Variants in KCNK2 observed in about 807,000 individuals in gnomAD.
The protein encoded by KCNK2 is potassium channel subfamily K member 2.
In KCNK2, 21 loss-of-function variants were observed where a neutral mutation model predicts 40.5. The ratio of observed to expected loss-of-function variants is 0.52; its 90% CI spans 0.37 to 0.75. KCNK2 has a LOEUF of 0.75. Ranked by LOEUF, KCNK2 falls within the 30% of genes least tolerant of loss-of-function variation. The pLI is 0.00. For synonymous variants in KCNK2, 191 were observed against 202.2 expected, an observed-to-expected ratio of 0.94 and a Z score of 0.47; for missense variants, 399 against 531.6, an observed-to-expected ratio of 0.75 and a Z score of 2.45.
Position 215,194,972 on chromosome 1 carries a change from T to G in KCNK2, c.843T>G (p.Tyr281Ter). ...DYVAGGSDIE[Y>*]LDFYKPVVWF... is the part of the protein sequence containing the mutation. ...CTCCAGGTGGATCCGATATTGAATA[T>G]CTGGACTTCTATAAGCCTGTCGTGT... The change falls in exon 6 of 7, where the codon TAT becomes TAG. Residue 281 changes from tyrosine to a stop codon, truncating the protein, a stop_gained. Transcript: ENST00000444842. LOFTEE classifies it high-confidence loss of function. The G allele has an allele frequency of 6.2e-7, 1 of 1,613,502 alleles. No individual in the cohort carries two copies. Among genetic ancestry groups the G allele is most frequent in the Non-Finnish European group, 8.5e-7 (1 of 1,179,618 alleles).
chr1:215,086,716 A>G, intron 2 of KCNK2, 38 bp downstream of exon 2: 3 of 1,566,378 alleles, frequency 1.9e-6, no homozygotes, highest in Non-Finnish European at 2.6e-6. Flanking sequence ...TGTTCCCCCA[A>G]ATGGGAAATA....
chr1:215,201,213 G>A (rs1211221804), intron 6 of KCNK2, among the ~76,000 whole-genome samples: 1 of 152,042 alleles, frequency 6.6e-6, no homozygotes, highest in Non-Finnish European at 1.5e-5. Flanking sequence ...GTTTTGAAGA[G>A]AGGAAGATGG....
At chr1:215,120,687 A>G (rs940783298) in intron 2 of KCNK2, among the ~76,000 whole-genome samples, 1 of 152,210 alleles carries the variant, frequency 6.6e-6, no homozygotes, top group East Asian at 1.9e-4. Flanking sequence ...GATGATCACA[A>G]GCAACTCTTT....
chr1:215,080,361 A>C (rs1303457214), upstream of KCNK2, among the ~76,000 whole-genome samples: 2 of 152,318 alleles, frequency 1.3e-5, no homozygotes, highest in South Asian at 4.1e-4. Flanking sequence ...AAAAATGAAA[A>C]TAATATTCAA....
chr1:215,227,471 C>T (rs1032093358), intron 6 of KCNK2, among the ~76,000 whole-genome samples: 10 of 152,148 alleles, frequency 6.6e-5, no homozygotes, highest in African/African-American at 1.4e-4. Context: ...GGATGGCCCC[C>T]GACATGGAGT....
intron 3 of KCNK2, among the ~76,000 whole-genome samples, chr1:215,147,878 C>T (rs1403474448): frequency 6.6e-6 from 1 of 151,956 alleles, no homozygotes; most frequent in African/African-American, 2.4e-5. Flanking sequence ...ATGTGATTGT[C>T]ATTTCACTCT....
At chr1:215,138,807 A>G in intron 3 of KCNK2, among the ~76,000 whole-genome samples, 1 of 152,206 alleles carries the variant, frequency 6.6e-6, no homozygotes, top group East Asian at 1.9e-4. Flanking sequence ...CACTTCGCAT[A>G]CACTCTTTGT....
At chr1:215,230,355 G>C (rs534984954) in intron 6 of KCNK2, among the ~76,000 whole-genome samples, 1 of 149,722 alleles carries the variant, frequency 6.7e-6, no homozygotes, top group Non-Finnish European at 1.5e-5. Flanking sequence ...GTGAGTATTT[G>C]TGTATCTAAA....
chr1:215,113,377 T>C (rs902278607), intron 2 of KCNK2, among the ~76,000 whole-genome samples: 1 of 152,172 alleles, frequency 6.6e-6, no homozygotes, highest in African/African-American at 2.4e-5. Flanking sequence ...CAAGTTATTT[T>C]ATTATTCTTT....
intron 3 of KCNK2, among the ~76,000 whole-genome samples, chr1:215,163,219 GCT>G (rs1289587848): frequency 6.6e-6 from 1 of 151,940 alleles, no homozygotes; most frequent in African/African-American, 2.4e-5. Context: ...TCATGATTTG[GCT>G]CTCTGTCTAT....
chr1:215,058,700 C>G (rs1057076932), intron 1 of KCNK2, among the ~76,000 whole-genome samples: 3 of 152,158 alleles, frequency 2.0e-5, no homozygotes, highest in Admixed American at 6.5e-5. Context: ...TAATCGCCCC[C>G]CTGACCTTTC....
Position 215,172,088 on chromosome 1 carries a change from T to C in KCNK2, c.728T>C (p.Ile243Thr), listed in dbSNP as rs529000156. ...GTACTCTTTGTGGCTCTGCCTGCGA[T>C]CATATTCAAACACATAGAAGGCTGG... is the stretch of plus-strand genomic sequence containing the variant. ...GCVLFVALPA[I>T]IFKHIEGWSA... The change falls in exon 5 of 7, where the codon ATC (isoleucine) becomes ACC (threonine). Residue 243 changes from isoleucine (I) to threonine (T), a missense_variant. Physicochemically the swap from Ile to Thr is moderately conservative, Grantham distance 89. Coordinates refer to ENST00000444842, the MANE Select transcript of KCNK2 (RefSeq NM_001017425.3). 8 of 1,613,510 alleles carry C rather than the reference T, an allele frequency of 5.0e-6. No individual in the cohort carries two copies. The African/African-American group carries it at 1.1e-4, about 22-fold the overall frequency.
chr1:215,083,126 C>G lies in KCNK2; in HGVS notation c.-260C>G, dbSNP rs1365506728. The G allele has an allele frequency of 3.0e-6, 2 of 658,570 alleles. No homozygotes were observed. The highest frequency in any genetic ancestry group is 4.9e-6 in the Non-Finnish European group (2 of 406,352). The allele number at this position is 658,570 out of a possible 1,614,324, so 40.8% of individuals were successfully genotyped here. ...GCGGCGGCGCCCAAGCCCAACTTGG[C>G]CTCCGCCTCGCCCTCTGCCCAGCCC... On this transcript the variant is annotated 5_prime_UTR_variant, in exon 1 of 7. Coordinates refer to ENST00000444842, the MANE Select transcript of KCNK2 (RefSeq NM_001017425.3).
chr1:215,203,528 C>CTA (rs912807769), intron 6 of KCNK2, among the ~76,000 whole-genome samples: 69 of 150,372 alleles, frequency 4.6e-4, no homozygotes, highest in South Asian at 2.1e-3. Context: ...AGTTTTAAGA[C>CTA]TATATATATA....
chr1:215,134,766 T>G (rs543357341), intron 3 of KCNK2, among the ~76,000 whole-genome samples: 1 of 152,208 alleles, frequency 6.6e-6, no homozygotes, highest in East Asian at 1.9e-4. Flanking sequence ...TCTAAGGGAT[T>G]GGAGCTCTGT....
intron 6 of KCNK2, among the ~76,000 whole-genome samples, chr1:215,216,783 C>CGGT (rs1238162028): frequency 5.3e-5 from 8 of 151,992 alleles, no homozygotes; most frequent in Admixed American, 5.3e-4. Flanking sequence ...TCTTCAAAAT[C>CGGT]GGTGTGTATG....
chr1:215,128,732 A>C (rs1661545556), intron 3 of KCNK2, among the ~76,000 whole-genome samples: 1 of 151,318 alleles, frequency 6.6e-6, no homozygotes, highest in Non-Finnish European at 1.5e-5. Flanking sequence ...CAAAAAGAGA[A>C]GTTAGCTGGA....
chr1:215,201,030 T>A (rs1449444173), intron 6 of KCNK2, among the ~76,000 whole-genome samples: 1 of 152,194 alleles, frequency 6.6e-6, no homozygotes, highest in Admixed American at 6.5e-5. Context: ...GAGCTGTGAA[T>A]ATAGACGAAT....
chr1:215,163,162 T>G (rs1663283444), intron 3 of KCNK2, among the ~76,000 whole-genome samples: 1 of 152,188 alleles, frequency 6.6e-6, no homozygotes, highest in Non-Finnish European at 1.5e-5. Flanking sequence ...TAAGTTGTAT[T>G]CCTAGATATT....
Sources: allele counts gnomAD v4.1 joint callset (sites outside exome capture counted in the v4.1 genomes callset), GRCh38; gene constraint gnomAD v4.1.1; transcripts MANE v1.5; gene names NCBI Gene and HGNC (gene_info 2026-07-23, HGNC 2026-07-21).